The following ABCA1 variants were observed in gnomAD, a reference collection of about 807,000 sequenced individuals.
ABCA1 encodes the protein ATP binding cassette subfamily A member 1, also known as phospholipid-transporting ATPase ABCA1.
Under a neutral mutation model 262.5 loss-of-function variants are expected in ABCA1, and 133 were observed. The ratio of observed to expected loss-of-function variants is 0.51; its 90% CI spans 0.44 to 0.59. ABCA1 has a LOEUF of 0.59. Ranked by LOEUF, ABCA1 falls within the 20% of genes least tolerant of loss-of-function variation. The pLI, the probability that ABCA1 is intolerant of heterozygous loss-of-function variation, is 0.00. For missense variants in ABCA1, 2,452 were observed against 2,777.5 expected (o/e 0.88, Z 2.63); for synonymous variants, 1,022 against 1,043.5 (o/e 0.98, Z 0.40).
chr9:104,868,813 G>A (rs1837319241), intron 5 of ABCA1, among the ~76,000 whole-genome samples: 1 of 152,186 alleles, frequency 6.6e-6, no homozygotes, highest in African/African-American at 2.4e-5. Context: ...CCAAGCCGGG[G>A]AACCAGCTGG....
intron 49 of ABCA1, 106 bp from the exon 50 acceptor site, chr9:104,784,561 C>A: frequency 7.5e-7 from 1 of 1,332,130 alleles, no homozygotes; most frequent in South Asian, 1.2e-5. Context: ...TAGGAGCATA[C>A]AGAATTACAT....
intron 27 of ABCA1, among the ~76,000 whole-genome samples, chr9:104,813,205 A>G (rs1357540337): frequency 6.6e-6 from 1 of 152,220 alleles, no homozygotes; most frequent in African/African-American, 2.4e-5. Context: ...AGGCAGTTAT[A>G]TATAATGTAA....
intron 49 of ABCA1, among the ~76,000 whole-genome samples, chr9:104,784,792 C>T (rs1191671772): frequency 6.6e-6 from 1 of 152,126 alleles, no homozygotes; most frequent in African/African-American, 2.4e-5. Flanking sequence ...TACAAGTGCG[C>T]ACCACCATGC....
intron 26 of ABCA1, 66 bp downstream of exon 26, chr9:104,814,361 T>A: frequency 6.3e-7 from 1 of 1,578,418 alleles, no homozygotes; most frequent in Non-Finnish European, 8.7e-7. Context: ...GGAACAATAC[T>A]CGTGCACTGA....
chr9:104,791,945 A>G lies in ABCA1; in HGVS notation c.5811T>C (p.Pro1937=), dbSNP rs771642609. 4 of 1,613,608 alleles carry G rather than the reference A, an allele frequency of 2.5e-6. No homozygotes were observed. In the East Asian group the frequency reaches 8.9e-5, roughly 36 times the overall value. ...PAVDRICVGI[P]PGECFGLLGV... is the part of the protein sequence containing the mutation. The stretch of plus-strand genomic sequence containing the variant: ...GACAAAGTGTCTTTACCTCACCAGG[A>G]GGAATGCCCACGCAAATCCTGTCAA... Residue 1937 remains proline (P), a synonymous_variant, in exon 43 of 50, where the codon CCT becomes CCC. Coordinates refer to ENST00000374736, the MANE Select transcript of ABCA1 (RefSeq NM_005502.4).
chr9:104,884,817 G>T (rs970112133), intron 3 of ABCA1, among the ~76,000 whole-genome samples: 52 of 152,292 alleles, frequency 3.4e-4, no homozygotes, highest in African/African-American at 1.1e-3. Flanking sequence ...GATGAGAGGG[G>T]TCCTAAGCAG....
intron 2 of ABCA1, among the ~76,000 whole-genome samples, chr9:104,901,191 G>C (rs1418439992): frequency 6.6e-6 from 1 of 151,994 alleles, no homozygotes; most frequent in Non-Finnish European, 1.5e-5. Flanking sequence ...CTAAGCAGCT[G>C]CAAAAAAATA....
chr9:104,845,461 G>C lies in ABCA1; in HGVS notation c.813+16C>G, dbSNP rs769840567. ...GTGGATGATCCGCTTCCTGGTACTG[G>C]AAAGACACAACTTACCTCCTGGGCC... On this transcript the variant is annotated intron_variant, in intron 8 of 49. Coordinates refer to ENST00000374736, the MANE Select transcript of ABCA1 (RefSeq NM_005502.4). 3.8e-6 allele frequency: 6 copies of C among 1,597,750 alleles called. No homozygotes were observed. The highest frequency in any genetic ancestry group is 8.6e-7 in the Non-Finnish European group (1 of 1,165,486).
chr9:104,797,473 C>T (rs753342394), intron 37 of ABCA1, among the ~76,000 whole-genome samples: 43 of 152,170 alleles, frequency 2.8e-4, no homozygotes, highest in Non-Finnish European at 5.6e-4. Context: ...CTTTGTGCTG[C>T]AGTAATAGAA....
intron 7 of ABCA1, chr9:104,855,595 T>G: frequency 7.6e-7 from 1 of 1,308,268 alleles, no homozygotes; most frequent in East Asian, 2.5e-5. Flanking sequence ...ATTGAGCACC[T>G]ATTGTGTGCC....
intron 45 of ABCA1, 96 bp downstream of exon 45, chr9:104,788,330 A>C: frequency 6.4e-7 from 1 of 1,556,968 alleles, no homozygotes; most frequent in South Asian, 1.1e-5. Flanking sequence ...ATTCATGAGG[A>C]AAAACAGCCT....
At chr9:104,856,677 T>C (rs138883283) in intron 7 of ABCA1, among the ~76,000 whole-genome samples, 1 of 152,230 alleles carries the variant, frequency 6.6e-6, no homozygotes, top group East Asian at 1.9e-4. Flanking sequence ...ACAATAGGTG[T>C]TTAATGAGTA....
intron 1 of ABCA1, among the ~76,000 whole-genome samples, chr9:104,922,960 T>C (rs1424746286): frequency 1.3e-5 from 2 of 152,174 alleles, no homozygotes; most frequent in African/African-American, 4.8e-5. Flanking sequence ...CAAGTGATCC[T>C]CCTGCTTTGG....
intron 18 of ABCA1, among the ~76,000 whole-genome samples, chr9:104,824,024 G>A (rs1832603039): frequency 6.6e-6 from 1 of 152,210 alleles, no homozygotes; most frequent in Non-Finnish European, 1.5e-5. Flanking sequence ...TCTGGGTAAT[G>A]ATTACATTAT....
intron 30 of ABCA1, 32 bp from the exon 31 acceptor site, chr9:104,806,462 C>T (rs777338725): frequency 6.8e-6 from 11 of 1,611,148 alleles, no homozygotes; most frequent in Non-Finnish European, 8.5e-6. Context: ...AGTAGGATTA[C>T]CAGAGATGGC....
intron 41 of ABCA1, 130 bp from the exon 42 acceptor site, chr9:104,793,036 G>A: frequency 6.3e-7 from 1 of 1,578,968 alleles, no homozygotes; most frequent in Non-Finnish European, 8.7e-7. Context: ...GCTGCGGGAT[G>A]CCCACATCAG....
At chr9:104,785,886 T>C (rs1291818753) in intron 48 of ABCA1, among the ~76,000 whole-genome samples, 1 of 152,236 alleles carries the variant, frequency 6.6e-6, no homozygotes, top group East Asian at 1.9e-4. Flanking sequence ...TGACAGATGT[T>C]ACAGAGAAAC....
chr9:104,832,811 C>T (rs775895893), intron 11 of ABCA1, 40 bp from the exon 12 acceptor site: 3 of 1,596,186 alleles, frequency 1.9e-6, no homozygotes, highest in South Asian at 1.1e-5. Context: ...TAAACACCAA[C>T]TAAATCTTGA....
intron 22 of ABCA1, among the ~76,000 whole-genome samples, 156 bp downstream of exon 22, chr9:104,819,430 C>G (rs894878095): frequency 2.0e-5 from 3 of 152,224 alleles, no homozygotes; most frequent in Non-Finnish European, 2.9e-5. Flanking sequence ...CATCTCCTCT[C>G]AGGAATCTCA....
Sources: allele counts gnomAD v4.1 joint callset (sites outside exome capture counted in the v4.1 genomes callset), GRCh38; gene constraint gnomAD v4.1.1; transcripts MANE v1.5; gene names NCBI Gene and HGNC (gene_info 2026-07-23, HGNC 2026-07-21).